FMN1: variants seen among roughly 807,000 people sequenced by gnomAD.
FMN1 encodes formin 1, also known as formin-1.
In FMN1, 110 loss-of-function variants were observed where a neutral mutation model predicts 132.4. That is an observed-to-expected ratio of 0.83 (90% CI 0.71 to 0.97). FMN1 has a LOEUF of 0.97. Ranked by LOEUF, FMN1 falls within the 50% of genes least tolerant of loss-of-function variation. The pLI is 0.00. For missense variants in FMN1, 1,792 were observed against 1,705.3 expected, an observed-to-expected ratio of 1.05 and a Z score of -0.90; for synonymous variants, 722 against 651.7, an observed-to-expected ratio of 1.11 and a Z score of -1.64.
At chr15:33,049,794 G>T (rs1219109435) in intron 6 of FMN1, among the ~76,000 whole-genome samples, 2 of 152,160 alleles carry the variant, frequency 1.3e-5, no homozygotes, top group Non-Finnish European at 2.9e-5. Context: ...TAATCCCGTT[G>T]CTTCTGTACT....
chr15:32,963,028 A>T (rs2030764439), intron 9 of FMN1, among the ~76,000 whole-genome samples: 1 of 143,522 alleles, frequency 7.0e-6, no homozygotes, highest in South Asian at 2.2e-4. Flanking sequence ...ATGCTGCTAT[A>T]AAGACACATG....
At chr15:32,821,108 T>TTTTTTTTTTTTTTTTTTTTTTTTTGAG (rs1229243106) in intron 17 of FMN1, among the ~76,000 whole-genome samples, 1 of 150,636 alleles carries the variant, frequency 6.6e-6, no homozygotes, top group South Asian at 2.1e-4. Flanking sequence ...ACAGATTTTC[T>TTTTTTTTTTTTTTTTTTTTTTTTTGAG]AAGATACAAT....
At chr15:32,991,286 C>T (rs1439784739) in intron 7 of FMN1, among the ~76,000 whole-genome samples, 2 of 152,176 alleles carry the variant, frequency 1.3e-5, no homozygotes, top group African/African-American at 2.4e-5. Flanking sequence ...TTCTCATCAA[C>T]TTATTCCTTC....
intron 19 of FMN1, among the ~76,000 whole-genome samples, chr15:32,795,690 A>G (rs1325996100): frequency 1.3e-5 from 2 of 152,018 alleles, no homozygotes; most frequent in Non-Finnish European, 2.9e-5. Context: ...TTCAGAAGGG[A>G]TAAGAGAAGG....
chr15:33,129,648 G>A (rs1356445667), intron 4 of FMN1, among the ~76,000 whole-genome samples: 3 of 152,130 alleles, frequency 2.0e-5, no homozygotes, highest in Non-Finnish European at 2.9e-5. Context: ...TGAATCTGAG[G>A]GTGGCTCAGG....
chr15:32,887,223 T>C (rs896642364), intron 16 of FMN1, among the ~76,000 whole-genome samples: 6 of 152,226 alleles, frequency 3.9e-5, no homozygotes, highest in Admixed American at 6.5e-5. Flanking sequence ...ATGTTTACTT[T>C]ATGTCTTGGT....
At chr15:33,161,675 T>C (rs572781873) in intron 3 of FMN1, among the ~76,000 whole-genome samples, 1 of 151,984 alleles carries the variant, frequency 6.6e-6, no homozygotes, top group East Asian at 1.9e-4. Context: ...TCCCAGCACT[T>C]TGGGAGGCTG....
chr15:32,931,040 T>C (rs1029203217), intron 9 of FMN1, among the ~76,000 whole-genome samples: 1 of 152,148 alleles, frequency 6.6e-6, no homozygotes, highest in Non-Finnish European at 1.5e-5. Flanking sequence ...TATTCTGTTC[T>C]ATTGGCCTAT....
intron 5 of FMN1, among the ~76,000 whole-genome samples, chr15:33,078,327 G>A (rs144220233): frequency 1.3e-5 from 2 of 152,154 alleles, no homozygotes; most frequent in Non-Finnish European, 2.9e-5. Flanking sequence ...TGGTGGGGAG[G>A]AACCATTTTT....
chr15:33,033,178 C>T (rs1018862260), intron 6 of FMN1, among the ~76,000 whole-genome samples: 2 of 152,020 alleles, frequency 1.3e-5, no homozygotes, highest in African/African-American at 4.8e-5. Context: ...CTACAGGTGC[C>T]CGCCACCACA....
At chr15:33,074,307 G>A (rs942303662) in intron 5 of FMN1, among the ~76,000 whole-genome samples, 11 of 152,292 alleles carry the variant, frequency 7.2e-5, no homozygotes, top group South Asian at 4.1e-4. Context: ...AAAAGAAAAA[G>A]CCAGAGATAC....
At chr15:32,982,109 T>G (rs995822366) in intron 7 of FMN1, among the ~76,000 whole-genome samples, 5 of 152,088 alleles carry the variant, frequency 3.3e-5, no homozygotes, top group Non-Finnish European at 7.4e-5. Flanking sequence ...AAGAGAGATA[T>G]ACGAATAGCA....
At chr15:32,918,330 A>G (rs1047389182) in intron 10 of FMN1, among the ~76,000 whole-genome samples, 1 of 152,178 alleles carries the variant, frequency 6.6e-6, no homozygotes, top group African/African-American at 2.4e-5. Context: ...AAGAGACTAT[A>G]GTATAGTTTA....
intron 7 of FMN1, among the ~76,000 whole-genome samples, chr15:32,992,530 G>A (rs987817514): frequency 6.6e-6 from 1 of 152,144 alleles, no homozygotes; most frequent in Non-Finnish European, 1.5e-5. Flanking sequence ...GCAGATTATA[G>A]ATCATATCTT....
chr15:33,085,089 G>A (rs1157486204), intron 5 of FMN1, among the ~76,000 whole-genome samples: 1 of 152,150 alleles, frequency 6.6e-6, no homozygotes, highest in South Asian at 2.1e-4. Flanking sequence ...TTAACAGCAG[G>A]CTATTTTTTT....
intron 6 of FMN1, among the ~76,000 whole-genome samples, chr15:33,051,480 G>A (rs1350319041): frequency 8.1e-6 from 1 of 122,960 alleles, no homozygotes; most frequent in Non-Finnish European, 1.7e-5. Flanking sequence ...TCAGGTGATA[G>A]GTGGTTGTGA....
At chr15:32,854,962 A>G (rs1473641089) in intron 17 of FMN1, among the ~76,000 whole-genome samples, 2 of 151,794 alleles carry the variant, frequency 1.3e-5, no homozygotes, top group Admixed American at 6.6e-5. Flanking sequence ...GTTGTATTCA[A>G]TTATAGATCT....
chr15:32,885,326 C>CT (rs149482177), intron 16 of FMN1, among the ~76,000 whole-genome samples: 2 of 152,132 alleles, frequency 1.3e-5, no homozygotes, highest in Non-Finnish European at 2.9e-5. Context: ...TTCAGTAACT[C>CT]TAATTTTTTT....
intron 17 of FMN1, among the ~76,000 whole-genome samples, chr15:32,820,261 G>A (rs927009712): frequency 6.6e-6 from 1 of 152,106 alleles, no homozygotes; most frequent in Non-Finnish European, 1.5e-5. Context: ...CTGAGTAACA[G>A]AGATTCATGA....
Sources: allele counts gnomAD v4.1 joint callset (sites outside exome capture counted in the v4.1 genomes callset), GRCh38; gene constraint gnomAD v4.1.1; transcripts MANE v1.5; gene names NCBI Gene and HGNC (gene_info 2026-07-23, HGNC 2026-07-21).